SPATS2: variants seen among roughly 807,000 people sequenced by gnomAD.
The protein encoded by SPATS2 is spermatogenesis associated serine rich 2.
SPATS2 carries 38 observed loss-of-function variants against 63.7 expected under a neutral mutation model. The observed-to-expected ratio is 0.60, with a 90% CI of 0.46 to 0.78. The LOEUF (loss-of-function observed/expected upper bound fraction) is 0.78, where lower values mean the gene tolerates loss of function less well. SPATS2 is among the 30% of genes least tolerant of loss of function. The pLI, the probability that SPATS2 is intolerant of heterozygous loss-of-function variation, is 0.00. For synonymous variants in SPATS2, 207 were observed against 232.9 expected, an observed-to-expected ratio of 0.89 and a Z score of 1.01; for missense variants, 588 against 666.2, an observed-to-expected ratio of 0.88 and a Z score of 1.29.
chr12:49,475,027 A>G (rs896725112), intron 3 of SPATS2, among the ~76,000 whole-genome samples: 3 of 152,154 alleles, frequency 2.0e-5, no homozygotes, highest in African/African-American at 7.2e-5. Flanking sequence ...CACAGGAAAG[A>G]CCTGCACCCA....
intron 9 of SPATS2, among the ~76,000 whole-genome samples, chr12:49,506,873 T>C (rs1946663154): frequency 6.6e-6 from 1 of 152,020 alleles, no homozygotes; most frequent in Non-Finnish European, 1.5e-5. Flanking sequence ...ACAGTGGGTT[T>C]ATTGGGACAT....
At chr12:49,516,928 C>G (rs1434968561) in intron 10 of SPATS2, among the ~76,000 whole-genome samples, 2 of 152,136 alleles carry the variant, frequency 1.3e-5, no homozygotes, top group African/African-American at 2.4e-5. Context: ...CCAATGCTAT[C>G]AAGAGTAATT....
At chr12:49,428,010 C>G (rs1268837650) in intron 2 of SPATS2, among the ~76,000 whole-genome samples, 1 of 151,730 alleles carries the variant, frequency 6.6e-6, no homozygotes, top group Non-Finnish European at 1.5e-5. Context: ...AATCCCAGCA[C>G]TTTGGGAGGC....
At chr12:49,458,518 G>A (rs192523571) in intron 2 of SPATS2, among the ~76,000 whole-genome samples, 2 of 151,574 alleles carry the variant, frequency 1.3e-5, no homozygotes, top group South Asian at 2.1e-4. Flanking sequence ...AGTGGCTCAC[G>A]CCTGTAATCT....
intron 2 of SPATS2, among the ~76,000 whole-genome samples, chr12:49,457,782 A>G (rs914637030): frequency 6.6e-6 from 1 of 152,058 alleles, no homozygotes; most frequent in Non-Finnish European, 1.5e-5. Context: ...GAAGCTTGCC[A>G]CTGAAGGGTT....
At chr12:49,373,486 G>C (rs1357312274) in intron 2 of SPATS2, among the ~76,000 whole-genome samples, 1 of 152,164 alleles carries the variant, frequency 6.6e-6, no homozygotes, top group African/African-American at 2.4e-5. Context: ...TATTTCTAAA[G>C]ATTTGATGTT....
chr12:49,391,372 C>A (rs774048892), intron 2 of SPATS2, among the ~76,000 whole-genome samples: 2 of 152,064 alleles, frequency 1.3e-5, no homozygotes, highest in African/African-American at 4.8e-5. Context: ...ATTAGCTGGT[C>A]GTGGAGGCGT....
chr12:49,453,856 CTTT>C (rs869155580), intron 2 of SPATS2, among the ~76,000 whole-genome samples: 3 of 76,198 alleles, frequency 3.9e-5, no homozygotes, highest in East Asian at 3.1e-4. Context: ...AAATAGCATT[CTTT>C]TTTTTTTTTT....
chr12:49,473,048 CAAAA>C (rs34734137), intron 3 of SPATS2, among the ~76,000 whole-genome samples: 7 of 83,596 alleles, frequency 8.4e-5, no homozygotes, highest in Admixed American at 1.3e-4. Context: ...GACCCTGTCT[CAAAA>C]AAAAAAAAAA....
chr12:49,493,147 C>T (rs1277122922), intron 6 of SPATS2, among the ~76,000 whole-genome samples: 1 of 149,730 alleles, frequency 6.7e-6, no homozygotes, highest in Admixed American at 6.7e-5. Context: ...GCTGTTAAGG[C>T]AAAAAGTTTA....
At chr12:49,504,618 G>A (rs1197932949) in intron 9 of SPATS2, among the ~76,000 whole-genome samples, 1 of 152,014 alleles carries the variant, frequency 6.6e-6, no homozygotes, top group Non-Finnish European at 1.5e-5. Flanking sequence ...AAGGAGAAAT[G>A]GGTAAGAGAA....
intron 2 of SPATS2, among the ~76,000 whole-genome samples, chr12:49,451,709 G>T (rs542002615): frequency 6.6e-6 from 1 of 152,122 alleles, no homozygotes; most frequent in Non-Finnish European, 1.5e-5. Context: ...GCTTTTCCTA[G>T]TGCTCTTTCT....
intron 8 of SPATS2, among the ~76,000 whole-genome samples, chr12:49,498,144 A>AC (rs1555191163): frequency 8.9e-6 from 1 of 112,116 alleles, no homozygotes; most frequent in Non-Finnish European, 2.0e-5. Context: ...AAAAAAAAAA[A>AC]AATATATATA....
At chr12:49,401,470 T>C (rs1944604178) in intron 2 of SPATS2, among the ~76,000 whole-genome samples, 1 of 152,208 alleles carries the variant, frequency 6.6e-6, no homozygotes, top group African/African-American at 2.4e-5. Context: ...AAATATTTAC[T>C]CACTGCTAAT....
chr12:49,465,671 C>T (rs138416770), intron 3 of SPATS2, among the ~76,000 whole-genome samples: 31 of 152,206 alleles, frequency 2.0e-4, no homozygotes, highest in African/African-American at 6.0e-4. Context: ...GGGCCGGGCG[C>T]GGTGGCTCAC....
intron 2 of SPATS2, among the ~76,000 whole-genome samples, chr12:49,419,726 A>C (rs953273869): frequency 2.0e-5 from 3 of 152,200 alleles, no homozygotes; most frequent in African/African-American, 7.2e-5. Context: ...TGCTTATTCT[A>C]TCCTTTCATA....
chr12:49,486,299 G>A (rs550443117), intron 4 of SPATS2: 158 of 430,782 alleles, frequency 3.7e-4, no homozygotes, highest in Non-Finnish European at 6.1e-4. Context: ...TCCGCCTCCC[G>A]GGTTCAAGTG....
intron 3 of SPATS2, among the ~76,000 whole-genome samples, chr12:49,471,401 C>T (rs1055783788): frequency 1.3e-5 from 2 of 152,168 alleles, no homozygotes; most frequent in Admixed American, 1.3e-4. Flanking sequence ...TGCAGTGGCA[C>T]AGTCAGCTCA....
At chr12:49,474,567 T>C (rs1380087029) in intron 3 of SPATS2, among the ~76,000 whole-genome samples, 2 of 152,210 alleles carry the variant, frequency 1.3e-5, no homozygotes, top group Non-Finnish European at 2.9e-5. Context: ...AAACAACTTC[T>C]CTCAGATCTA....
Sources: allele counts gnomAD v4.1 joint callset (sites outside exome capture counted in the v4.1 genomes callset), GRCh38; gene constraint gnomAD v4.1.1; transcripts MANE v1.5; gene names NCBI Gene and HGNC (gene_info 2026-07-23, HGNC 2026-07-21).